The following CFAP54 variants were observed in gnomAD, a reference collection of about 807,000 sequenced individuals.
CFAP54 encodes the protein cilia- and flagella-associated protein 54.
A neutral mutation model predicts 370.4 loss-of-function variants in CFAP54; 290 were observed. The ratio of observed to expected loss-of-function variants is 0.78; its 90% CI spans 0.71 to 0.86. The LOEUF is 0.86. CFAP54 is among the 40% of genes least tolerant of loss of function. The pLI, the probability that CFAP54 is intolerant of heterozygous loss-of-function variation, is 0.00. For missense variants in CFAP54, 3,399 were observed against 3,528.7 expected (o/e 0.96, Z 0.93); for synonymous variants, 1,206 against 1,236.5 (o/e 0.98, Z 0.52).
chr12:96,659,370 G>A (rs1359804610), intron 38 of CFAP54, among the ~76,000 whole-genome samples: 1 of 152,116 alleles, frequency 6.6e-6, no homozygotes, highest in Non-Finnish European at 1.5e-5. Context: ...CTGACCTCAA[G>A]TGATCCTCCC....
intron 36 of CFAP54, among the ~76,000 whole-genome samples, chr12:96,656,640 C>T (rs541441337): frequency 3.7e-4 from 57 of 152,318 alleles, no homozygotes; most frequent in African/African-American, 1.3e-3. Context: ...CTCGGCCTCC[C>T]GAAATGCTGG....
At position 96,827,754 on chromosome 12, in the gene CFAP54, A is replaced by G. The variant is rs1167226341; in HGVS notation, c.9097-1260A>G. Among the ~76,000 whole-genome samples, 3 of 47,042 alleles carry G rather than the reference A, an allele frequency of 6.4e-5. No homozygotes were observed. The Admixed American group carries it at 8.1e-4, about 13-fold the overall frequency. 30.9% of individuals were successfully genotyped at this position (47,042 alleles called of 152,430 possible). On this transcript the variant is annotated intron_variant, in intron 65 of 67. Transcript: ENST00000524981. ...TTTAATATAATTATATATAATACAT[A>G]GTAACATATTATATTATATATAGTT...
At chr12:96,860,404 G>A (rs1044573181) in intron 66 of CFAP54, among the ~76,000 whole-genome samples, 6 of 152,108 alleles carry the variant, frequency 3.9e-5, no homozygotes, top group Admixed American at 2.0e-4. Context: ...TGATAACACG[G>A]TGCCTCTTTT....
chr12:96,746,991 A>T (rs897792812), intron 55 of CFAP54, among the ~76,000 whole-genome samples: 1 of 152,144 alleles, frequency 6.6e-6, no homozygotes, highest in East Asian at 1.9e-4. Flanking sequence ...CTTCTAATTG[A>T]TTATTCTTAT....
At chr12:96,767,155 T>C (rs1321099672) in intron 60 of CFAP54, among the ~76,000 whole-genome samples, 1 of 152,202 alleles carries the variant, frequency 6.6e-6, no homozygotes, top group Non-Finnish European at 1.5e-5. Flanking sequence ...ATACACTGCT[T>C]GTACAGGAAG....
intron 55 of CFAP54, among the ~76,000 whole-genome samples, chr12:96,748,673 C>G (rs189217905): frequency 6.6e-6 from 1 of 152,176 alleles, no homozygotes. Flanking sequence ...ATTATTCCAT[C>G]ATGTCTAGCT....
At chr12:96,525,472 C>A (rs1352213527) in intron 8 of CFAP54, among the ~76,000 whole-genome samples, 1 of 151,644 alleles carries the variant, frequency 6.6e-6, no homozygotes, top group East Asian at 1.9e-4. Flanking sequence ...GATAAATATT[C>A]CATTCTTTTT....
intron 50 of CFAP54, among the ~76,000 whole-genome samples, chr12:96,724,600 G>A (rs1396770884): frequency 7.9e-5 from 12 of 151,958 alleles, no homozygotes; most frequent in Admixed American, 3.9e-4. Context: ...AGTAGGTTGC[G>A]AAAATTTTCT....
intron 49 of CFAP54, among the ~76,000 whole-genome samples, chr12:96,719,395 G>A (rs1957723054): frequency 6.6e-6 from 1 of 152,074 alleles, no homozygotes; most frequent in Non-Finnish European, 1.5e-5. Flanking sequence ...CATTTTTAGT[G>A]GCCTGTCACT....
chr12:96,850,604 C>T (rs1959513698), intron 66 of CFAP54, among the ~76,000 whole-genome samples: 1 of 152,086 alleles, frequency 6.6e-6, no homozygotes, highest in Non-Finnish European at 1.5e-5. Context: ...TTGGGCAAGT[C>T]CCTTAAAGTC....
chr12:96,615,762 A>G (rs1393785378), intron 26 of CFAP54, among the ~76,000 whole-genome samples: 5 of 152,256 alleles, frequency 3.3e-5, no homozygotes, highest in Admixed American at 6.5e-5. Context: ...ACATGAAAAA[A>G]TGCTCATCAT....
rs61939382 is a variant in CFAP54 at position 96,623,835 on chromosome 12, A to G, written c.3840A>G (p.Glu1280=). 9.8e-3 allele frequency: 15,011 copies of G among 1,535,642 alleles called. 84 individuals are homozygous for G. The highest frequency in any genetic ancestry group is 0.011 in the Non-Finnish European group (12,603 of 1,146,558). The change falls in exon 28 of 68, where the codon GAA becomes GAG. Residue 1280 remains glutamate (E), a synonymous_variant. Transcript: ENST00000524981. ...TACTACTGCCTGAAAAGATAAATGA[A>G]CAGCTGGCCTTGTTGGAGACACACC... ...QQILLPEKIN[E]QLALLETHLL...
chr12:96,605,192 A>G (rs1956287885), intron 26 of CFAP54, among the ~76,000 whole-genome samples: 1 of 152,204 alleles, frequency 6.6e-6, no homozygotes, highest in African/African-American at 2.4e-5. Flanking sequence ...CATTAATTAT[A>G]TATTTATTAT....
At chr12:96,525,113 C>T (rs559072246) in intron 8 of CFAP54, among the ~76,000 whole-genome samples, 1 of 151,804 alleles carries the variant, frequency 6.6e-6, no homozygotes, top group Admixed American at 6.6e-5. Context: ...CTTGCAAGTA[C>T]GAATTTTATC....
chr12:96,812,407 C>T (rs1260145094), intron 64 of CFAP54, among the ~76,000 whole-genome samples: 3 of 152,172 alleles, frequency 2.0e-5, no homozygotes, highest in Non-Finnish European at 4.4e-5. Context: ...ACTTTTTGCT[C>T]ATGCCTCGTT....
chr12:96,708,114 T>C (rs1957564874), intron 47 of CFAP54, among the ~76,000 whole-genome samples: 1 of 151,896 alleles, frequency 6.6e-6, no homozygotes, highest in Admixed American at 6.6e-5. Flanking sequence ...TAAGGAAGTG[T>C]GTTTGGATAG....
chr12:96,606,076 C>A (rs1956297198), intron 26 of CFAP54, among the ~76,000 whole-genome samples: 1 of 152,004 alleles, frequency 6.6e-6, no homozygotes. Flanking sequence ...CAAACATACG[C>A]ATAAAATACA....
At position 96,687,571 on chromosome 12, in the gene CFAP54, T is replaced by G. The variant is rs181243898; in HGVS notation, c.6015-1345T>G. Among the ~76,000 whole-genome samples the G allele has an allele frequency of 1.9e-3, 284 of 152,348 alleles. 4 individuals are homozygous for G. The highest frequency in any genetic ancestry group is 6.5e-3 in the African/African-American group (272 of 41,578). The stretch of plus-strand genomic sequence containing the variant: ...TAGTGTTTTAAGCTGTAGAGCACAC[T>G]TAAAACTTAACTGTTCCTAGGTAGT... On this transcript the variant is annotated intron_variant, in intron 42 of 67. Coordinates refer to ENST00000524981, the MANE Select transcript of CFAP54 (RefSeq NM_001306084.2).
At chr12:96,617,434 C>T (rs191816654) in intron 26 of CFAP54, among the ~76,000 whole-genome samples, 1 of 152,294 alleles carries the variant, frequency 6.6e-6, no homozygotes, top group Non-Finnish European at 1.5e-5. Flanking sequence ...AGAGGTCAAT[C>T]CTTCTTCCAA....
Sources: gnomAD v4.1 joint callset for allele counts (sites outside exome capture counted in the v4.1 genomes callset) on GRCh38, gnomAD v4.1.1 for gene constraint, MANE v1.5 for transcripts, NCBI Gene and HGNC (gene_info 2026-07-23, HGNC 2026-07-21) for gene names.